Variants in NXPE4 observed in about 807,000 individuals in gnomAD.
The protein encoded by NXPE4 is neurexophilin and PC-esterase domain family member 4, also known as NXPE family member 4.
Under a neutral mutation model 33.3 loss-of-function variants are expected in NXPE4, and 42 were observed. The ratio of observed to expected loss-of-function variants is 1.26; its 90% CI spans 0.98 to 1.63. The LOEUF is 1.63. Among genes scored for constraint, NXPE4 ranks in the 40% most tolerant of loss-of-function variants. NXPE4 has a pLI of 0.00. For missense variants in NXPE4, 709 were observed against 647.6 expected, an observed-to-expected ratio of 1.09 and a Z score of -1.03; for synonymous variants, 253 against 234.9, an observed-to-expected ratio of 1.08 and a Z score of -0.71.
intron 5 of NXPE4, among the ~76,000 whole-genome samples, chr11:114,575,630 G>A (rs1271120789): frequency 6.6e-6 from 1 of 151,322 alleles, no homozygotes. Context: ...AAAACCTTAA[G>A]AATACCTAGC....
the NXPE4 span, among the ~76,000 whole-genome samples, chr11:114,662,848 T>C: frequency 6.6e-6 from 1 of 152,154 alleles, no homozygotes; most frequent in African/African-American, 2.4e-5. Context: ...TGGCAACAGT[T>C]ATCACCTGCT....
chr11:114,624,000 C>A, the NXPE4 span, among the ~76,000 whole-genome samples: 1 of 152,178 alleles, frequency 6.6e-6, no homozygotes, highest in Non-Finnish European at 1.5e-5. Flanking sequence ...ACCACTGTTA[C>A]CCGGTGGATA....
chr11:114,630,719 C>G, the NXPE4 span, among the ~76,000 whole-genome samples: 2 of 151,288 alleles, frequency 1.3e-5, no homozygotes, highest in African/African-American at 4.9e-5. Flanking sequence ...AAGAAACTAC[C>G]ATCAGAGTGA....
rs949531218 is a variant in NXPE4 at position 114,580,063 on chromosome 11, C to G, written c.1099+69G>C. The G allele has an allele frequency of 7.6e-6, 10 of 1,312,998 alleles. No homozygotes were observed. In the African/African-American group the frequency reaches 8.7e-5, roughly 11 times the overall value. 81.3% of individuals were successfully genotyped at this position (1,312,998 alleles called of 1,614,324 possible). ...AAAAAAGAGGAATTTCCCATATTCC[C>G]TTCTCCCCTTTGAAATGGAAAAGAA... On this transcript the variant is annotated intron_variant, in intron 5 of 5. Coordinates refer to ENST00000375478, the MANE Select transcript of NXPE4 (RefSeq NM_001077639.2).
chr11:114,593,059 A>G (rs1949497921), intron 2 of NXPE4, among the ~76,000 whole-genome samples: 1 of 152,206 alleles, frequency 6.6e-6, no homozygotes, highest in African/African-American at 2.4e-5. Flanking sequence ...TGCATGACCC[A>G]AAGTATGAAA....
chr11:114,620,083 G>A, the NXPE4 span, among the ~76,000 whole-genome samples: 1 of 152,068 alleles, frequency 6.6e-6, no homozygotes, highest in Admixed American at 6.5e-5. Context: ...AATAAGTGTT[G>A]CCTCTTGGGT....
At chr11:114,617,488 G>A in the NXPE4 span, among the ~76,000 whole-genome samples, 12 of 152,008 alleles carry the variant, frequency 7.9e-5, no homozygotes, top group Admixed American at 1.3e-4. Flanking sequence ...ATGTTGCCTC[G>A]TGGGTAACCA....
the NXPE4 span, among the ~76,000 whole-genome samples, chr11:114,649,982 C>T: frequency 1.3e-5 from 2 of 152,052 alleles, no homozygotes; most frequent in Admixed American, 1.3e-4. Flanking sequence ...ATATGCATCC[C>T]ATAGAGTTCT....
chr11:114,636,759 G>T, the NXPE4 span, among the ~76,000 whole-genome samples: 1 of 152,076 alleles, frequency 6.6e-6, no homozygotes, highest in African/African-American at 2.4e-5. Flanking sequence ...CAGTTTCCAT[G>T]TAGTTGAGTA....
At chr11:114,650,805 G>A in the NXPE4 span, among the ~76,000 whole-genome samples, 3 of 151,926 alleles carry the variant, frequency 2.0e-5, no homozygotes, top group Non-Finnish European at 4.4e-5. Context: ...CTAAGTTCCA[G>A]GTACTTGCCA....
intron 5 of NXPE4, among the ~76,000 whole-genome samples, chr11:114,575,992 T>C (rs1339594967): frequency 6.6e-6 from 1 of 152,012 alleles, no homozygotes; most frequent in East Asian, 1.9e-4. Flanking sequence ...GGTACTGGCA[T>C]AAAAATAGGC....
chr11:114,656,085 G>C, the NXPE4 span, among the ~76,000 whole-genome samples: 1 of 152,024 alleles, frequency 6.6e-6, no homozygotes, highest in East Asian at 1.9e-4. Flanking sequence ...CAAAGTCTCA[G>C]GATACAAAAA....
the NXPE4 span, among the ~76,000 whole-genome samples, chr11:114,651,486 T>C: frequency 6.6e-6 from 1 of 152,314 alleles, no homozygotes; most frequent in African/African-American, 2.4e-5. Context: ...GCAAGATTTA[T>C]TGCAAAGAGC....
the NXPE4 span, among the ~76,000 whole-genome samples, chr11:114,620,165 T>C: frequency 1.3e-5 from 2 of 152,148 alleles, no homozygotes; most frequent in South Asian, 2.1e-4. Flanking sequence ...ATGATAAATA[T>C]TGCCTCATGG....
At chr11:114,637,710 C>A in the NXPE4 span, among the ~76,000 whole-genome samples, 1 of 150,990 alleles carries the variant, frequency 6.6e-6, no homozygotes, top group African/African-American at 2.4e-5. Context: ...TTGTATTTCT[C>A]CTTCACTTAT....
At chr11:114,673,716 G>A in the NXPE4 span, among the ~76,000 whole-genome samples, 1 of 151,822 alleles carries the variant, frequency 6.6e-6, no homozygotes, top group Non-Finnish European at 1.5e-5. Context: ...TGGGAATTGA[G>A]TCATGCAATA....
chr11:114,607,214 T>C, the NXPE4 span, among the ~76,000 whole-genome samples: 3 of 151,952 alleles, frequency 2.0e-5, no homozygotes, highest in East Asian at 5.8e-4. Context: ...GGAAAATAAA[T>C]GTTACCTCGT....
chr11:114,664,088 G>A, the NXPE4 span, among the ~76,000 whole-genome samples: 1 of 152,096 alleles, frequency 6.6e-6, no homozygotes, highest in Non-Finnish European at 1.5e-5. Flanking sequence ...ATTTATAGAG[G>A]TTTTATTCAC....
At chr11:114,599,190 C>G (rs1949611357), upstream of NXPE4, among the ~76,000 whole-genome samples, 1 of 152,166 alleles carries the variant, frequency 6.6e-6, no homozygotes, top group African/African-American at 2.4e-5. Context: ...CAAAGTTCCA[C>G]AGATCCCTTG....
Sources: allele counts gnomAD v4.1 joint callset (sites outside exome capture counted in the v4.1 genomes callset), GRCh38; gene constraint gnomAD v4.1.1; transcripts MANE v1.5; gene names NCBI Gene and HGNC (gene_info 2026-07-23, HGNC 2026-07-21).